The following CLPTM1 variants were observed in gnomAD, a reference collection of about 807,000 sequenced individuals.
The protein encoded by CLPTM1 is putative lipid scramblase CLPTM1.
A neutral mutation model predicts 77.3 loss-of-function variants in CLPTM1; 21 were observed. The observed-to-expected ratio is 0.27, with a 90% confidence interval of 0.19 to 0.39. The LOEUF (loss-of-function observed/expected upper bound fraction) is 0.39, where lower values mean the gene tolerates loss of function less well. Ranked by LOEUF, CLPTM1 falls within the 10% of genes least tolerant of loss-of-function variation. CLPTM1 has a pLI of 1.00. For missense variants in CLPTM1, 642 were observed against 921.2 expected, an observed-to-expected ratio of 0.70 and a Z score of 3.92; for synonymous variants, 373 against 381.0, an observed-to-expected ratio of 0.98 and a Z score of 0.24.
Position 44,958,703 on chromosome 19 carries a change from C to T in CLPTM1, c.72+3236C>T, listed in dbSNP as rs146038977. 5.1e-3 allele frequency among the ~76,000 whole-genome samples: 782 copies of T among 152,268 alleles called. 8 individuals are homozygous for T. Among genetic ancestry groups the T allele is most frequent in the African/African-American group, 0.018 (753 of 41,548 alleles). ...TATAATTTAGATGGTATAACGTTCACCTGTTCTTAGGATAGAGTCCATTGG... is the reference window on the plus strand; with the variant it reads ...TATAATTTAGATGGTATAACGTTCATCTGTTCTTAGGATAGAGTCCATTGG... On this transcript the variant is annotated intron_variant, in intron 1 of 13. Transcript: ENST00000337392.
Position 44,988,176 on chromosome 19 carries a change from A to G in CLPTM1, c.1132+3A>G. On this transcript the variant is annotated splice_donor_region_variant and intron_variant, in intron 9 of 13. Coordinates refer to ENST00000337392, the MANE Select transcript of CLPTM1 (RefSeq NM_001294.4). ...CGAGTTCCTGGCCTTCAAGAATGGT[A>G]GGAACAGGACCCCAGGGCTAGTGAG... is the stretch of plus-strand genomic sequence containing the variant. 6.2e-7 allele frequency: 1 copy of G among 1,606,674 alleles called. No individual in the cohort carries two copies. The highest frequency in any genetic ancestry group is 8.5e-7 in the Non-Finnish European group (1 of 1,173,206).
At chr19:44,968,804 T>C (rs145598593) in intron 2 of CLPTM1, among the ~76,000 whole-genome samples, 78 of 152,270 alleles carry the variant, frequency 5.1e-4, no homozygotes, top group Admixed American at 2.0e-3. Flanking sequence ...CTGGTGTGTT[T>C]ACTAAAATGA....
At chr19:44,959,166 A>G (rs188357916) in intron 1 of CLPTM1, among the ~76,000 whole-genome samples, 19 of 151,418 alleles carry the variant, frequency 1.3e-4, no homozygotes, top group Admixed American at 9.2e-4. Context: ...TCTGTTGCCA[A>G]TAATGCTGCT....
In CLPTM1 at chr19:44,973,156, C is replaced by T. The variant is rs34586269; in HGVS notation, c.255C>T (p.Pro85=). The change falls in exon 3 of 14, where the codon CCC becomes CCT. Residue 85 remains proline, a synonymous_variant. Transcript: ENST00000337392. ...RGPAPQDQAG[P]GGAPRVASRN... ...CGGCCCCTCAGGACCAGGCGGGCCC[C>T]GGAGGAGCTCCACGCGTCGCCAGCC... 3,692 of 1,614,020 alleles carry T rather than the reference C, an allele frequency of 2.3e-3. 52 individuals are homozygous for T. In the African/African-American group the frequency reaches 0.037, roughly 16 times the overall value.
At chr19:44,963,606 T>G (rs903482460) in intron 2 of CLPTM1, among the ~76,000 whole-genome samples, 9 of 151,810 alleles carry the variant, frequency 5.9e-5, no homozygotes, top group African/African-American at 1.9e-4. Context: ...ATTACAGGTG[T>G]GAGCCACCGC....
Position 44,962,042 on chromosome 19 carries a change from A to C in CLPTM1, c.152A>C (p.Asn51Thr). ...AACCCACCGGCCCAGCCGGCACCCA[A>C]TGCCTGGCAGGTCATCAAAGGTGTG... ...PQNPPAQPAP[N>T]AWQVIKGVLF... Residue 51 changes from asparagine to threonine, a missense_variant, in exon 2 of 14, where the codon AAT becomes ACT. Asn to Thr is a moderately conservative substitution (Grantham distance 65, BLOSUM62 0). Coordinates refer to ENST00000337392, the MANE Select transcript of CLPTM1 (RefSeq NM_001294.4). 6.2e-7 allele frequency: 1 copy of C among 1,610,996 alleles called. No homozygotes were observed. The highest frequency in any genetic ancestry group is 8.5e-7 in the Non-Finnish European group (1 of 1,178,752).
intron 2 of CLPTM1, among the ~76,000 whole-genome samples, chr19:44,964,911 G>A (rs1970603276): frequency 6.6e-6 from 1 of 152,112 alleles, no homozygotes; most frequent in African/African-American, 2.4e-5. Flanking sequence ...CTGGGCAGTG[G>A]GACCCCAGGG....
chr19:44,954,899 G>A, upstream of CLPTM1: 1 of 1,355,388 alleles, frequency 7.4e-7, no homozygotes, highest in African/African-American at 1.5e-5. Context: ...AGACAAGGGT[G>A]CTGGGCAAAA....
intron 8 of CLPTM1, 115 bp from the exon 9 acceptor site, chr19:44,987,965 G>T: frequency 5.2e-6 from 4 of 764,296 alleles, no homozygotes; most frequent in Non-Finnish European, 9.4e-6. Context: ...TCTCCTCCTG[G>T]CTGGCCCACC....
intron 3 of CLPTM1, among the ~76,000 whole-genome samples, chr19:44,973,790 G>C (rs1394398644): frequency 8.1e-6 from 1 of 123,732 alleles, no homozygotes; most frequent in Non-Finnish European, 1.6e-5. Flanking sequence ...TTGAGATGGA[G>C]TCTCACTCTG....
chr19:44,987,619 C>T, intron 8 of CLPTM1, 196 bp downstream of exon 8: 1 of 682,328 alleles, frequency 1.5e-6, no homozygotes. Context: ...GACTGGGGGT[C>T]CTCTCCCCAG....
chr19:44,964,792 GTC>G (rs1970601843), intron 2 of CLPTM1, among the ~76,000 whole-genome samples: 1 of 152,032 alleles, frequency 6.6e-6, no homozygotes, highest in South Asian at 2.1e-4. Flanking sequence ...TCTATTTCCT[GTC>G]TCTCTTTCAC....
upstream of CLPTM1, chr19:44,955,190 C>T: frequency 2.0e-6 from 3 of 1,534,140 alleles, no homozygotes; most frequent in Non-Finnish European, 2.6e-6. Flanking sequence ...TAGGTGGAAA[C>T]AAACGGGCTG....
In CLPTM1 at chr19:44,990,972, G is replaced by A; in HGVS notation, c.1419+27G>A. On this transcript the variant is annotated intron_variant, in intron 11 of 13. Transcript: ENST00000337392. The surrounding 1 kb of genome is among the most constrained non-coding windows in gnomAD (Gnocchi z 4.8). ...TGAGTGTCCTGCACAGTGGGCCCCT[G>A]GGGGTGGTCTCCAGGTACCACGTAT... The A allele has an allele frequency of 6.8e-7, 1 of 1,463,886 alleles. No individual in the cohort carries two copies. The highest frequency in any genetic ancestry group is 9.1e-7 in the Non-Finnish European group (1 of 1,102,474). The allele number at this position is 1,463,886 out of a possible 1,614,324, so 90.7% of individuals were successfully genotyped here.
intron 9 of CLPTM1, among the ~76,000 whole-genome samples, chr19:44,989,752 C>T (rs1313709510): frequency 6.6e-6 from 1 of 152,070 alleles, no homozygotes; most frequent in Non-Finnish European, 1.5e-5. Flanking sequence ...CTCAGCCGGG[C>T]GGGGTCAAGA....
At chr19:44,979,423 A>T (rs1363814754) in intron 5 of CLPTM1, among the ~76,000 whole-genome samples, 1 of 151,504 alleles carries the variant, frequency 6.6e-6, no homozygotes, top group African/African-American at 2.4e-5. Flanking sequence ...AGTTCTGTGT[A>T]CTCCACCTAG....
At chr19:44,987,030 C>CT in intron 7 of CLPTM1, 149 bp from the exon 8 acceptor site, 2 of 1,085,758 alleles carry the variant, frequency 1.8e-6, no homozygotes, top group Non-Finnish European at 2.6e-6. Context: ...TCAAGGCACC[C>CT]TTTAGCTCCT....
chr19:44,955,242 C>T, upstream of CLPTM1: 2 of 1,496,348 alleles, frequency 1.3e-6, no homozygotes, highest in Admixed American at 4.2e-5. Flanking sequence ...CCTTCCATAG[C>T]CGGAAGTGGC....
At chr19:44,957,625 G>T (rs547137102) in intron 1 of CLPTM1, among the ~76,000 whole-genome samples, 1 of 152,214 alleles carries the variant, frequency 6.6e-6, no homozygotes, top group Non-Finnish European at 1.5e-5. Flanking sequence ...GCTGGGGATT[G>T]TGTGTGTGCG....
Sources: gnomAD v4.1 joint callset for allele counts (sites outside exome capture counted in the v4.1 genomes callset) on GRCh38, gnomAD v4.1.1 for gene constraint, Gnocchi (gnomAD v3.1) non-coding constraint, MANE v1.5 for transcripts, NCBI Gene and HGNC (gene_info 2026-07-23, HGNC 2026-07-21) for gene names.